Variants in PRKCH observed in about 807,000 individuals in gnomAD.
PRKCH encodes the protein protein kinase C eta.
PRKCH carries 28 observed loss-of-function variants against 82.5 expected under a neutral mutation model. That is an observed-to-expected ratio of 0.34 (90% CI 0.25 to 0.47). The LOEUF is 0.47. Among genes scored for constraint, PRKCH ranks in the 20% least tolerant of loss-of-function variants. The pLI, the probability that PRKCH is intolerant of heterozygous loss-of-function variation, is 1.00. For synonymous variants in PRKCH, 322 were observed against 327.4 expected, an observed-to-expected ratio of 0.98 and a Z score of 0.18; for missense variants, 705 against 881.8, an observed-to-expected ratio of 0.80 and a Z score of 2.54.
chr14:61,526,401 A>G (rs181531055), intron 10 of PRKCH, among the ~76,000 whole-genome samples: 27 of 152,316 alleles, frequency 1.8e-4, no homozygotes, highest in Non-Finnish European at 8.8e-5. Context: ...AGTCTGTTCT[A>G]TGTTCCATTG....
chr14:61,530,894 G>C (rs2043037127), intron 12 of PRKCH, among the ~76,000 whole-genome samples: 1 of 152,194 alleles, frequency 6.6e-6, no homozygotes, highest in Non-Finnish European at 1.5e-5. Context: ...GGCAGGTGAT[G>C]TTTCCCCTTC....
rs1383017289 is a variant in PRKCH, at chr14:61,188,596, GTGGGGGGGT to G, written c.-19+929_-19+937del. ...TGTAGTGTGTGTGTGTGTCGGGGGG[GTGGGGGGGT>G]GGTGTGGTGTGTGTGTGTGTGTGTG... On this transcript the variant is annotated intron_variant, in intron 1 of 3. Coordinates refer to the PRKCH transcript ENST00000555185. Among the ~76,000 whole-genome samples, 4 of 57,464 alleles carry G rather than the reference GTGGGGGGGT, an allele frequency of 7.0e-5. 1 individual carries two copies. In the East Asian group the frequency reaches 1.3e-3, roughly 18 times the overall value. 37.7% of individuals were successfully genotyped at this position (57,464 alleles called of 152,430 possible).
intron 2 of PRKCH, among the ~76,000 whole-genome samples, chr14:61,395,451 T>A (rs564703703): frequency 1.3e-5 from 2 of 152,226 alleles, no homozygotes; most frequent in Middle Eastern, 3.4e-3. Context: ...AGTTCCCATC[T>A]TGGATACTGA....
intron 1 of PRKCH, among the ~76,000 whole-genome samples, chr14:61,238,778 T>C (rs2140064574): frequency 6.6e-6 from 1 of 152,306 alleles, no homozygotes; most frequent in East Asian, 1.9e-4. Flanking sequence ...TTAATTAATC[T>C]AACGTTTTCA....
chr14:61,195,026 G>A (rs531325445), intron 1 of PRKCH, among the ~76,000 whole-genome samples: 2 of 152,240 alleles, frequency 1.3e-5, no homozygotes, highest in East Asian at 1.9e-4. Context: ...GAGCCACTGC[G>A]CCTGGCCATC....
intron 1 of PRKCH, among the ~76,000 whole-genome samples, chr14:61,337,372 C>T (rs2045873295): frequency 6.6e-6 from 1 of 152,050 alleles, no homozygotes; most frequent in Non-Finnish European, 1.5e-5. Context: ...ATTTGGCTTG[C>T]AGAAAATATG....
At chr14:61,194,479 A>G (rs1359339272) in intron 1 of PRKCH, among the ~76,000 whole-genome samples, 1 of 152,204 alleles carries the variant, frequency 6.6e-6, no homozygotes, top group Non-Finnish European at 1.5e-5. Flanking sequence ...AAGACACAGC[A>G]AGAAGGTATC....
At chr14:61,419,118 A>G (rs1206720867) in intron 2 of PRKCH, among the ~76,000 whole-genome samples, 3 of 152,210 alleles carry the variant, frequency 2.0e-5, no homozygotes, top group Non-Finnish European at 4.4e-5. Context: ...ACAGAGTCTT[A>G]GCGCTTTAGG....
At chr14:61,287,922 C>T (rs1223576749) in intron 1 of PRKCH, among the ~76,000 whole-genome samples, 1 of 152,202 alleles carries the variant, frequency 6.6e-6, no homozygotes, top group Non-Finnish European at 1.5e-5. Context: ...CCTCAGCGAC[C>T]TCAGACTGGC....
At chr14:61,539,109 G>A (rs546894171) in intron 12 of PRKCH, among the ~76,000 whole-genome samples, 1 of 152,320 alleles carries the variant, frequency 6.6e-6, no homozygotes, top group Non-Finnish European at 1.5e-5. Context: ...AGGAATAGAA[G>A]CATGTTGTCT....
chr14:61,408,840 G>A (rs983294076), intron 2 of PRKCH, among the ~76,000 whole-genome samples: 2 of 152,142 alleles, frequency 1.3e-5, no homozygotes, highest in African/African-American at 2.4e-5. Context: ...GAACGTCACC[G>A]GATAGACGTC....
At chr14:61,459,784 A>G (rs903143751) in intron 9 of PRKCH, among the ~76,000 whole-genome samples, 8 of 152,324 alleles carry the variant, frequency 5.3e-5, no homozygotes, top group Non-Finnish European at 1.0e-4. Context: ...ATATGCATAC[A>G]TGTTTATCTT....
rs182897018 is a variant in PRKCH, at chr14:61,523,406, C to A, written c.1434-5669C>A. 3.2e-3 allele frequency among the ~76,000 whole-genome samples: 482 copies of A among 152,214 alleles called. 1 individual carries two copies. Among genetic ancestry groups the A allele is most frequent in the Non-Finnish European group, 5.3e-3 (359 of 68,000 alleles). Reference sequence around the variant, plus strand: ...AAGTCCTTTTGGGAAACAATCTATCCGGGGGATTGGCCGGTGACACTGCTA... The same window carrying A: ...AAGTCCTTTTGGGAAACAATCTATCAGGGGGATTGGCCGGTGACACTGCTA... On this transcript the variant is annotated intron_variant, in intron 10 of 13. Coordinates refer to ENST00000332981, the MANE Select transcript of PRKCH (RefSeq NM_006255.5).
At chr14:61,194,621 G>A (rs1355546401) in intron 1 of PRKCH, among the ~76,000 whole-genome samples, 1 of 152,122 alleles carries the variant, frequency 6.6e-6, no homozygotes, top group African/African-American at 2.4e-5. Flanking sequence ...TATTGTTATA[G>A]CAGCCCAAAC....
At chr14:61,220,861 A>T (rs2044650632) in intron 1 of PRKCH, among the ~76,000 whole-genome samples, 1 of 152,208 alleles carries the variant, frequency 6.6e-6, no homozygotes, top group Admixed American at 6.5e-5. Context: ...TTAAAGTTTA[A>T]TTTTTATTTA....
intron 6 of PRKCH, among the ~76,000 whole-genome samples, chr14:61,451,238 A>G (rs1407659504): frequency 6.6e-6 from 1 of 152,212 alleles, no homozygotes; most frequent in Non-Finnish European, 1.5e-5. Context: ...CAGCCTAGAC[A>G]CTGTATTTTA....
intron 6 of PRKCH, among the ~76,000 whole-genome samples, chr14:61,452,525 G>A (rs935825923): frequency 5.3e-5 from 8 of 152,198 alleles, no homozygotes; most frequent in Admixed American, 4.6e-4. Flanking sequence ...TCCCCAGGCA[G>A]CTTCCGGTGC....
chr14:61,233,856 G>T lies in PRKCH; in HGVS notation c.-19+46188G>T, dbSNP rs192259099. ...GCCTCTTTCCTTTATAAATTACCCA[G>T]TCTCAGGTATGTCTTTTTTAGCAGC... is the stretch of plus-strand genomic sequence containing the variant. On this transcript the variant is annotated intron_variant, in intron 1 of 3. Coordinates refer to the PRKCH transcript ENST00000555185. 5.8e-4 allele frequency among the ~76,000 whole-genome samples: 89 copies of T among 152,298 alleles called. 1 individual carries two copies. The highest frequency in any genetic ancestry group is 1.6e-3 in the African/African-American group (66 of 41,546).
chr14:61,214,573 C>A (rs576248491), intron 1 of PRKCH, among the ~76,000 whole-genome samples: 1 of 152,208 alleles, frequency 6.6e-6, no homozygotes, highest in African/African-American at 2.4e-5. Context: ...GTTCTGGAGG[C>A]TGGAATCTAA....
Sources: allele counts gnomAD v4.1 joint callset (sites outside exome capture counted in the v4.1 genomes callset), GRCh38; gene constraint gnomAD v4.1.1; transcripts MANE v1.5; gene names NCBI Gene and HGNC (gene_info 2026-07-23, HGNC 2026-07-21).